Variants in GRAMD2B observed in about 807,000 individuals in gnomAD.
GRAMD2B encodes GRAM domain-containing protein 2B.
Under a neutral mutation model 59.2 loss-of-function variants are expected in GRAMD2B, and 41 were observed. The observed-to-expected ratio is 0.69, with a 90% CI of 0.54 to 0.90. GRAMD2B has a LOEUF of 0.90. GRAMD2B is among the 40% of genes least tolerant of loss of function. GRAMD2B has a pLI of 0.00. For synonymous variants in GRAMD2B, 161 were observed against 182.7 expected (o/e 0.88, Z 0.96); for missense variants, 424 against 500.5 (o/e 0.85, Z 1.46).
chr5:126,414,468 G>A (rs537074678), intron 1 of GRAMD2B, among the ~76,000 whole-genome samples: 7 of 151,978 alleles, frequency 4.6e-5, no homozygotes, highest in East Asian at 3.9e-4. Flanking sequence ...TGGTATTCTC[G>A]TATGTTGTTG....
chr5:126,471,880 T>C (rs1221536874), intron 3 of GRAMD2B, among the ~76,000 whole-genome samples: 2 of 152,162 alleles, frequency 1.3e-5, no homozygotes, highest in Non-Finnish European at 2.9e-5. Context: ...CTTCTGAGAG[T>C]ACTCACTGGT....
chr5:126,483,223 C>T (rs969319703), intron 8 of GRAMD2B, among the ~76,000 whole-genome samples: 1 of 152,188 alleles, frequency 6.6e-6, no homozygotes, highest in African/African-American at 2.4e-5. Flanking sequence ...TTTTCCTAGA[C>T]ATTTGTTGTT....
At chr5:126,439,059 T>C (rs1043796934) in intron 1 of GRAMD2B, among the ~76,000 whole-genome samples, 3 of 152,120 alleles carry the variant, frequency 2.0e-5, no homozygotes, top group African/African-American at 7.2e-5. Context: ...CCACGAGGGA[T>C]TATGTGAAAT....
intron 1 of GRAMD2B, among the ~76,000 whole-genome samples, chr5:126,383,125 T>A (rs912856739): frequency 2.0e-5 from 3 of 152,238 alleles, no homozygotes; most frequent in Non-Finnish European, 4.4e-5. Flanking sequence ...CTCCGTGACT[T>A]ATTTTTTAAA....
At chr5:126,434,508 T>TTTTTA (rs1561516212) in intron 1 of GRAMD2B, among the ~76,000 whole-genome samples, 1 of 151,308 alleles carries the variant, frequency 6.6e-6, no homozygotes, top group African/African-American at 2.5e-5. Context: ...AATTATCCTT[T>TTTTTA]TTTTTATTTT....
intron 3 of GRAMD2B, 48 bp downstream of exon 3, chr5:126,469,836 C>T (rs2126816740): frequency 7.2e-7 from 1 of 1,383,688 alleles, no homozygotes; most frequent in Non-Finnish European, 1.0e-6. Context: ...GACAGGGCTA[C>T]TGAAGCCAGT....
chr5:126,470,797 G>A (rs541744450), intron 3 of GRAMD2B, among the ~76,000 whole-genome samples: 4 of 152,050 alleles, frequency 2.6e-5, no homozygotes, highest in African/African-American at 7.2e-5. Context: ...GGCCTCAGGC[G>A]ATCCACCCAC....
At chr5:126,444,458 G>T (rs900023057) in intron 1 of GRAMD2B, among the ~76,000 whole-genome samples, 1 of 152,176 alleles carries the variant, frequency 6.6e-6, no homozygotes, top group Non-Finnish European at 1.5e-5. Context: ...GAATTGGCAA[G>T]AACCTTTTGC....
At chr5:126,436,864 C>T (rs780530879) in intron 1 of GRAMD2B, among the ~76,000 whole-genome samples, 4 of 152,118 alleles carry the variant, frequency 2.6e-5, no homozygotes, top group Non-Finnish European at 5.9e-5. Flanking sequence ...AGTCAGTTGC[C>T]TACTCTGCCA....
chr5:126,364,038 C>T (rs1754336438), intron 1 of GRAMD2B, among the ~76,000 whole-genome samples: 1 of 151,962 alleles, frequency 6.6e-6, no homozygotes, highest in African/African-American at 2.4e-5. Context: ...TTAAATAAGA[C>T]CTTATGATTT....
chr5:126,443,317 A>C (rs140579880), intron 1 of GRAMD2B, among the ~76,000 whole-genome samples: 35 of 152,374 alleles, frequency 2.3e-4, no homozygotes, highest in Admixed American at 5.9e-4. Flanking sequence ...TGGAATTCAC[A>C]GACTGATCTT....
chr5:126,393,761 A>G (rs1757055235), intron 1 of GRAMD2B, among the ~76,000 whole-genome samples: 1 of 152,148 alleles, frequency 6.6e-6, no homozygotes, highest in Non-Finnish European at 1.5e-5. Flanking sequence ...TCCCTAAAGC[A>G]CTGGAAAAAA....
intron 9 of GRAMD2B, 23 bp downstream of exon 9, chr5:126,483,597 G>T: frequency 7.3e-7 from 1 of 1,367,460 alleles, no homozygotes; most frequent in Non-Finnish European, 1.0e-6. Flanking sequence ...GTTGTATTTT[G>T]ACTAAAATTT....
intron 1 of GRAMD2B, chr5:126,360,591 G>A (rs1754174820): frequency 1.2e-6 from 1 of 868,222 alleles, no homozygotes; most frequent in Admixed American, 3.1e-5. Flanking sequence ...GCCCACTGGG[G>A]GAGTTTTCCT....
At chr5:126,394,698 C>G (rs1392335310) in intron 1 of GRAMD2B, among the ~76,000 whole-genome samples, 3 of 152,162 alleles carry the variant, frequency 2.0e-5, no homozygotes, top group African/African-American at 7.2e-5. Context: ...GGTTCCTGCT[C>G]TCATCTAACT....
At chr5:126,373,845 A>G (rs1200361301) in intron 1 of GRAMD2B, among the ~76,000 whole-genome samples, 1 of 152,210 alleles carries the variant, frequency 6.6e-6, no homozygotes, top group Non-Finnish European at 1.5e-5. Flanking sequence ...ATAGGGAAGA[A>G]GTCTAGAGGA....
At chr5:126,398,089 C>T (rs1757524677) in intron 1 of GRAMD2B, among the ~76,000 whole-genome samples, 1 of 145,886 alleles carries the variant, frequency 6.9e-6, no homozygotes, top group East Asian at 2.0e-4. Flanking sequence ...AGTGGTATGA[C>T]CATAGCTCAC....
chr5:126,473,350 C>A lies in GRAMD2B; in HGVS notation c.468C>A (p.Val156=). 3 of 1,462,150 alleles carry A rather than the reference C, an allele frequency of 2.1e-6. No homozygotes were observed. The highest frequency in any genetic ancestry group is 2.1e-5 in the Admixed American group (1 of 47,014). 90.6% of individuals were successfully genotyped at this position (1,462,150 alleles called of 1,614,324 possible). Reference sequence around the variant, plus strand: ...ACTGGATTTGTTTTCATTCCAAAGTCTTTGGAAAAGACACAAAGGTTGGTA... The same window carrying A: ...ACTGGATTTGTTTTCATTCCAAAGTATTTGGAAAAGACACAAAGGTTGGTA... ...SENWICFHSK[V]FGKDTKISIP... is the part of the protein sequence containing the mutation. The change falls in exon 5 of 14, where the codon GTC becomes GTA. Residue 156 remains valine (V), a synonymous_variant. Transcript: ENST00000285689.
intron 13 of GRAMD2B, 72 bp downstream of exon 13, chr5:126,488,964 G>T: frequency 9.7e-7 from 1 of 1,035,964 alleles, no homozygotes; most frequent in South Asian, 1.4e-5. Context: ...TCAGGTCAGG[G>T]ATTACACACT....
Sources: allele counts gnomAD v4.1 joint callset (sites outside exome capture counted in the v4.1 genomes callset), GRCh38; gene constraint gnomAD v4.1.1; transcripts MANE v1.5; gene names NCBI Gene and HGNC (gene_info 2026-07-23, HGNC 2026-07-21).